Variants in CYB5D2 observed in about 807,000 individuals in gnomAD.
The protein encoded by CYB5D2 is neuferricin.
A neutral mutation model predicts 22.8 loss-of-function variants in CYB5D2; 23 were observed. The observed-to-expected ratio is 1.01, with a 90% CI of 0.73 to 1.43. CYB5D2 has a LOEUF of 1.43. Ranked by LOEUF, CYB5D2 falls within the 40% of genes most tolerant of loss-of-function variation. The pLI, the probability that CYB5D2 is intolerant of heterozygous loss-of-function variation, is 0.00. For synonymous variants in CYB5D2, 170 were observed against 152.2 expected, an observed-to-expected ratio of 1.12 and a Z score of -0.86; for missense variants, 373 against 357.2, an observed-to-expected ratio of 1.04 and a Z score of -0.36.
chr17:4,143,971 C>T lies in CYB5D2; in HGVS notation c.216C>T (p.His72=). 6.2e-7 allele frequency: 1 copy of T among 1,611,986 alleles called. No homozygotes were observed. The highest frequency in any genetic ancestry group is 8.5e-7 in the Non-Finnish European group (1 of 1,179,510). ...RVYDVSSGRR[H]YEPGSHYSGF... The stretch of plus-strand genomic sequence containing the variant: ...ACGATGTGTCCTCCGGCCGGAGGCA[C>T]TACGAGCCTGGGTCCCACTATAGCG... The change falls in exon 1 of 4, where the codon CAC becomes CAT. Residue 72 remains histidine, a synonymous_variant. Transcript: ENST00000301391.
rs2058931049 is a variant in CYB5D2, at chr17:4,143,794, G to C, written c.39G>C (p.Leu13=). 13 of 1,614,092 alleles carry C rather than the reference G, an allele frequency of 8.1e-6. No individual in the cohort carries two copies. In the East Asian group the frequency reaches 2.7e-4, roughly 33 times the overall value. Residue 13 remains leucine, a synonymous_variant, in exon 1 of 4, where the codon CTG becomes CTC. Coordinates refer to ENST00000301391, the MANE Select transcript of CYB5D2 (RefSeq NM_144611.4). ...RCGGRGLLLG[L]AVAAAAVMAA... The stretch of plus-strand genomic sequence containing the variant: ...GAGGCCGTGGGCTTTTGTTGGGCCT[G>C]GCTGTAGCCGCAGCAGCGGTAATGG...
intron 1 of CYB5D2, among the ~76,000 whole-genome samples, chr17:4,146,876 A>G (rs151047331): frequency 5.3e-5 from 8 of 152,126 alleles, no homozygotes; most frequent in African/African-American, 1.9e-4. Context: ...TCATGGAGTC[A>G]TACGTGTGGC....
At chr17:4,144,871 C>T (rs900821579) in intron 1 of CYB5D2, among the ~76,000 whole-genome samples, 5 of 152,102 alleles carry the variant, frequency 3.3e-5, no homozygotes, top group African/African-American at 1.2e-4. Flanking sequence ...ACTGCAAGCT[C>T]TGCCTCCCGG....
intron 1 of CYB5D2, among the ~76,000 whole-genome samples, chr17:4,147,938 A>G (rs2059010964): frequency 1.3e-5 from 2 of 152,250 alleles, no homozygotes; most frequent in Admixed American, 1.3e-4. Context: ...GAATTTGGAC[A>G]TTCTCATAGA....
chr17:4,143,662 C>G lies in CYB5D2; in HGVS notation c.-94C>G. 6.7e-7 allele frequency: 1 copy of G among 1,501,248 alleles called. No individual in the cohort carries two copies. Among genetic ancestry groups the G allele is most frequent in the Non-Finnish European group, 8.9e-7 (1 of 1,121,352 alleles). 93.0% of individuals were successfully genotyped at this position (1,501,248 alleles called of 1,614,324 possible). ...GCGCGCGAGAGAGAGAGCGAGAGCG[C>G]GCGCGCCGATGACGTCACGCTCGGC... On this transcript the variant is annotated 5_prime_UTR_variant, in exon 1 of 4. Transcript: ENST00000301391.
In CYB5D2 at chr17:4,156,873, G is replaced by A. The variant is rs2059117062; in HGVS notation, c.586G>A (p.Val196Met). 6.2e-7 allele frequency: 1 copy of A among 1,612,598 alleles called. No homozygotes were observed. Among genetic ancestry groups the A allele is most frequent in the Non-Finnish European group, 8.5e-7 (1 of 1,180,022 alleles). The change falls in exon 4 of 4, where the codon GTG becomes ATG. Residue 196 changes from valine (V) to methionine (M), a missense_variant. Transcript: ENST00000301391. ...CTTTCCGTCTATCCTTAGTGGAGGT[G>A]TGAGCAGAGACTGGATTGGCGTCCC... The part of the protein sequence containing the change: ...RLWCSQKSGG[V>M]SRDWIGVPRK...
At chr17:4,156,210 C>T (rs532483812) in intron 3 of CYB5D2, among the ~76,000 whole-genome samples, 3 of 152,380 alleles carry the variant, frequency 2.0e-5, no homozygotes, top group Admixed American at 2.0e-4. Context: ...AGAGACTGAG[C>T]CCAGTGCCCT....
chr17:4,149,894 G>A lies in CYB5D2; in HGVS notation c.254G>A (p.Arg85Gln), dbSNP rs199813802. 3.1e-5 allele frequency: 50 copies of A among 1,613,666 alleles called. No individual in the cohort carries two copies. The East Asian group carries it at 1.0e-3, about 33-fold the overall frequency. The change falls in exon 2 of 4, where the codon CGA (arginine) becomes CAA (glutamine). Residue 85 changes from arginine (R) to glutamine (Q), a missense_variant. Physicochemically the swap from Arg to Gln is conservative, Grantham distance 43. Transcript: ENST00000301391. Reference sequence around the variant, plus strand: ...GATGGAAACATCTCTGTTCCAGGCCGAGACGCATCCAGAGCTTTCGTGACC... The same window carrying A: ...GATGGAAACATCTCTGTTCCAGGCCAAGACGCATCCAGAGCTTTCGTGACC... ...PGSHYSGFAG[R>Q]DASRAFVTGD...
At position 4,143,913 on chromosome 17, in the gene CYB5D2, C is replaced by G; in HGVS notation, c.158C>G (p.Pro53Arg). 1.2e-6 allele frequency: 2 copies of G among 1,613,762 alleles called. No individual in the cohort carries two copies. Among genetic ancestry groups the G allele is most frequent in the Non-Finnish European group, 1.7e-6 (2 of 1,180,004 alleles). The change falls in exon 1 of 4, where the codon CCG (proline) becomes CGG (arginine). Residue 53 changes from proline to arginine, a missense_variant. Transcript: ENST00000301391. The part of the protein sequence containing the change: ...LSRYRGGPGD[P>R]GLYLALLGRV... ...CGCTACCGCGGCGGCCCAGGGGACC[C>G]GGGCCTGTACTTGGCGTTGCTCGGC...
chr17:4,144,101 C>T (rs1040462526), intron 1 of CYB5D2, 96 bp downstream of exon 1: 15 of 1,462,564 alleles, frequency 1.0e-5, no homozygotes, highest in African/African-American at 1.4e-5. Flanking sequence ...TATTTCCCCC[C>T]CCATCCCCAC....
chr17:4,143,974 C>G lies in CYB5D2; in HGVS notation c.219C>G (p.Tyr73Ter). The change falls in exon 1 of 4, where the codon TAC becomes TAG. Residue 73 changes from tyrosine to a stop codon, truncating the protein, a stop_gained. Transcript: ENST00000301391. LOFTEE classifies it high-confidence loss of function. ...ATGTGTCCTCCGGCCGGAGGCACTA[C>G]GAGCCTGGGTCCCACTATAGCGGCT... ...VYDVSSGRRH[Y>*]EPGSHYSGFA... 2 of 1,611,662 alleles carry G rather than the reference C, an allele frequency of 1.2e-6. No individual in the cohort carries two copies. The highest frequency in any genetic ancestry group is 1.7e-6 in the Non-Finnish European group (2 of 1,179,382).
chr17:4,144,133 C>T lies in CYB5D2; in HGVS notation c.250+128C>T. 13 of 1,337,722 alleles carry T rather than the reference C, an allele frequency of 9.7e-6. No homozygotes were observed. In the East Asian group the frequency reaches 1.2e-4, roughly 12 times the overall value. The allele number at this position is 1,337,722 out of a possible 1,614,324, so 82.9% of individuals were successfully genotyped here. On this transcript the variant is annotated intron_variant, in intron 1 of 3. Transcript: ENST00000301391. ...CCACCCCACATCCATCAAACCCGTG[C>T]GGTGGGCGGGACGAGCTGCATGCAC... is the stretch of plus-strand genomic sequence containing the variant.
intron 1 of CYB5D2, among the ~76,000 whole-genome samples, chr17:4,144,380 A>G (rs886137479): frequency 2.0e-5 from 3 of 151,912 alleles, no homozygotes; most frequent in Admixed American, 1.3e-4. Context: ...CAGTTTCCTT[A>G]ATAATTCCAA....
chr17:4,154,938 G>A, intron 3 of CYB5D2, 78 bp downstream of exon 3: 1 of 1,402,372 alleles, frequency 7.1e-7, no homozygotes, highest in Non-Finnish European at 9.6e-7. Context: ...AGTATTCAGT[G>A]AATTCAGGAA....
rs1567883071 is a variant in CYB5D2 at position 4,143,644 on chromosome 17, A to AGAGAGAGC, written c.-105_-104insCGAGAGAG. ...GAGGGAGCGCGAGCACTAGCGCGCG[A>AGAGAGAGC]GAGAGAGAGCGAGAGCGCGCGCGCC... On this transcript the variant is annotated 5_prime_UTR_variant, in exon 1 of 4. Transcript: ENST00000301391. 2.0e-6 allele frequency: 2 copies of AGAGAGAGC among 979,534 alleles called. No individual in the cohort carries two copies. The highest frequency in any genetic ancestry group is 2.8e-6 in the Non-Finnish European group (2 of 719,292). The allele number at this position is 979,534 out of a possible 1,614,324, so 60.7% of individuals were successfully genotyped here. A position where few individuals can be genotyped will look rare whatever the true frequency, so the allele number is the denominator to read the frequency against.
At chr17:4,156,019 A>G (rs929531570) in intron 3 of CYB5D2, among the ~76,000 whole-genome samples, 7 of 152,372 alleles carry the variant, frequency 4.6e-5, no homozygotes, top group Middle Eastern at 3.4e-3. Context: ...CAGATCCCCA[A>G]TGATGGGATG....
chr17:4,156,781 G>C (rs2059116193), intron 3 of CYB5D2, 85 bp from the exon 4 acceptor site: 1 of 1,426,394 alleles, frequency 7.0e-7, no homozygotes, highest in South Asian at 1.3e-5. Flanking sequence ...TTTTCAGAAG[G>C]CCTGGCTCTC....
At position 4,143,807 on chromosome 17, in the gene CYB5D2, G is replaced by T; in HGVS notation, c.52G>T (p.Ala18Ser). 1 of 1,614,158 alleles carries T rather than the reference G, an allele frequency of 6.2e-7. No individual in the cohort carries two copies. Among genetic ancestry groups the T allele is most frequent in the Non-Finnish European group, 8.5e-7 (1 of 1,180,014 alleles). The change falls in exon 1 of 4, where the codon GCA becomes TCA. Residue 18 changes from alanine (A) to serine (S), a missense_variant. By Grantham distance (99) the Ala-to-Ser change is moderately conservative. Transcript: ENST00000301391. ...TTTGTTGGGCCTGGCTGTAGCCGCA[G>T]CAGCGGTAATGGCAGCACGGCTTAT... ...GLLLGLAVAA[A>S]AVMAARLMGW...
chr17:4,143,620 A>AG lies in CYB5D2; in HGVS notation c.-133dup, dbSNP rs914938214. Reference sequence around the variant, plus strand: ...CAGATAAAACGAGAGAGACTAAGGGAGGGAGCGCGAGCACTAGCGCGCGAG... The same window carrying AG: ...CAGATAAAACGAGAGAGACTAAGGGAGGGGAGCGCGAGCACTAGCGCGCGAG... On this transcript the variant is annotated 5_prime_UTR_variant, in exon 1 of 4. Coordinates refer to ENST00000301391, the MANE Select transcript of CYB5D2 (RefSeq NM_144611.4). 7.3e-6 allele frequency: 9 copies of AG among 1,236,278 alleles called. No individual in the cohort carries two copies. In the African/African-American group the frequency reaches 1.2e-4, roughly 17 times the overall value. The allele number at this position is 1,236,278 out of a possible 1,614,324, so 76.6% of individuals were successfully genotyped here.
Sources: allele counts gnomAD v4.1 joint callset (sites outside exome capture counted in the v4.1 genomes callset), GRCh38; gene constraint gnomAD v4.1.1; transcripts MANE v1.5; gene names NCBI Gene and HGNC (gene_info 2026-07-23, HGNC 2026-07-21).